Variants in LIMCH1 observed in about 807,000 individuals in gnomAD.
The protein encoded by LIMCH1 is LIM and calponin homology domains 1, also known as LIM and calponin homology domains-containing protein 1.
A neutral mutation model predicts 176.5 loss-of-function variants in LIMCH1; 113 were observed. The ratio of observed to expected loss-of-function variants is 0.64; its 90% CI spans 0.55 to 0.75. The LOEUF (loss-of-function observed/expected upper bound fraction) is 0.75, where lower values mean the gene tolerates loss of function less well. LIMCH1 is among the 30% of genes least tolerant of loss of function. LIMCH1 has a pLI of 0.00. For synonymous variants in LIMCH1, 619 were observed against 645.9 expected (o/e 0.96, Z 0.63); for missense variants, 1,674 against 1,814.9 (o/e 0.92, Z 1.41).
At chr4:41,633,125 C>G in intron 12 of LIMCH1, 40 bp downstream of exon 12, 1 of 1,395,698 alleles carries the variant, frequency 7.2e-7, no homozygotes, top group African/African-American at 1.4e-5. Flanking sequence ...GGTGTGTTGC[C>G]CCTGCTGTGT....
At chr4:41,678,304 A>G (rs16853448) in intron 23 of LIMCH1, among the ~76,000 whole-genome samples, 2,410 of 151,382 alleles carry the variant, frequency 0.016, 53 homozygotes, top group African/African-American at 0.056. Context: ...TTTAGATAGC[A>G]GTAGTAGGTG....
chr4:41,445,157 C>A (rs559599909), intron 1 of LIMCH1, among the ~76,000 whole-genome samples: 9 of 151,962 alleles, frequency 5.9e-5, no homozygotes, highest in Non-Finnish European at 1.2e-4. Context: ...AGGTGCACAC[C>A]GCCACGCCTG....
intron 1 of LIMCH1, among the ~76,000 whole-genome samples, chr4:41,582,847 G>C (rs2085753516): frequency 6.6e-6 from 1 of 152,166 alleles, no homozygotes; most frequent in Non-Finnish European, 1.5e-5. Flanking sequence ...TGGAGGGAAA[G>C]ACTATGTATG....
At chr4:41,549,425 G>A (rs2152507814) in intron 1 of LIMCH1, among the ~76,000 whole-genome samples, 1 of 152,312 alleles carries the variant, frequency 6.6e-6, no homozygotes, top group Non-Finnish European at 1.5e-5. Context: ...GAGGGATAGA[G>A]CCAGAAGCTG....
At chr4:41,581,893 T>C (rs190294589) in intron 1 of LIMCH1, among the ~76,000 whole-genome samples, 4 of 151,978 alleles carry the variant, frequency 2.6e-5, no homozygotes, top group African/African-American at 9.7e-5. Context: ...CCTATTTCAC[T>C]TGGCATAATG....
At chr4:41,565,030 A>G (rs975313386) in intron 1 of LIMCH1, among the ~76,000 whole-genome samples, 39 of 152,194 alleles carry the variant, frequency 2.6e-4, no homozygotes, top group African/African-American at 8.7e-4. Context: ...ACCCAGTCTC[A>G]GGCAGTTCTT....
intron 1 of LIMCH1, among the ~76,000 whole-genome samples, chr4:41,403,726 T>C (rs76142950): frequency 0.018 from 2,743 of 152,328 alleles, 84 homozygotes; most frequent in African/African-American, 0.062. Context: ...GGTCTACTTA[T>C]ACACTTAATT....
chr4:41,612,923 G>A, intron 4 of LIMCH1: 1 of 1,473,100 alleles, frequency 6.8e-7, no homozygotes, highest in Non-Finnish European at 9.0e-7. Context: ...TTCCCTTCAA[G>A]GTAGCAGGAG....
intron 4 of LIMCH1, chr4:41,612,883 AG>A: frequency 4.3e-6 from 6 of 1,387,976 alleles, no homozygotes; most frequent in Non-Finnish European, 4.7e-6. Context: ...CTTTTGCCTC[AG>A]AAAGACAGCT....
chr4:41,678,667 A>G (rs1324182484), intron 23 of LIMCH1, among the ~76,000 whole-genome samples: 1 of 152,052 alleles, frequency 6.6e-6, no homozygotes, highest in Non-Finnish European at 1.5e-5. Flanking sequence ...GTTGCCTGGT[A>G]TGGCATCGTG....
chr4:41,503,810 AGCCCTCAAGTGATAACT>A (rs1382962213), intron 2 of LIMCH1, among the ~76,000 whole-genome samples: 1 of 152,172 alleles, frequency 6.6e-6, no homozygotes, highest in Non-Finnish European at 1.5e-5. Context: ...CGGTTCCCTC[AGCCCTCAAGTGATAACT>A]GCCCTTGCTC....
intron 5 of LIMCH1, among the ~76,000 whole-genome samples, chr4:41,614,756 T>A (rs2152803894): frequency 6.6e-6 from 1 of 152,336 alleles, no homozygotes; most frequent in South Asian, 2.1e-4. Flanking sequence ...TGCTTATCCT[T>A]ACTTCACCAA....
At chr4:41,668,346 G>T (rs1219233461) in intron 21 of LIMCH1, among the ~76,000 whole-genome samples, 1 of 152,168 alleles carries the variant, frequency 6.6e-6, no homozygotes, top group South Asian at 2.1e-4. Flanking sequence ...GTCCTGAAGG[G>T]AATTAAAAAT....
At chr4:41,547,780 A>G (rs1437168717) in intron 1 of LIMCH1, among the ~76,000 whole-genome samples, 1 of 144,804 alleles carries the variant, frequency 6.9e-6, no homozygotes, top group Admixed American at 7.0e-5. Context: ...ACATACATAT[A>G]ATATACATAT....
Position 41,661,415 on chromosome 4 carries a change from T to C in LIMCH1, c.3037-5T>C. On this transcript the variant is annotated splice_region_variant and splice_polypyrimidine_tract_variant and intron_variant, in intron 18 of 31. Coordinates refer to ENST00000503057, the MANE Select transcript of LIMCH1 (RefSeq NM_001330672.2). ...ATTCAAGGGGGAAAAAAATCTCTTT[T>C]TCAGGCAACCACTGAGAAAACGGAA... is the stretch of plus-strand genomic sequence containing the variant. The C allele has an allele frequency of 6.3e-7, 1 of 1,594,622 alleles. No individual in the cohort carries two copies. Among genetic ancestry groups the C allele is most frequent in the South Asian group, 1.1e-5 (1 of 89,988 alleles).
chr4:41,435,363 C>T (rs1471837050), intron 1 of LIMCH1, among the ~76,000 whole-genome samples: 1 of 152,184 alleles, frequency 6.6e-6, no homozygotes, highest in Non-Finnish European at 1.5e-5. Flanking sequence ...GCATGGAAAG[C>T]CTCCTGTTCC....
intron 13 of LIMCH1, 96 bp from the exon 14 acceptor site, chr4:41,638,836 C>A: frequency 1.0e-6 from 1 of 968,378 alleles, no homozygotes; most frequent in Non-Finnish European, 1.7e-6. Context: ...AAAGGTTTGG[C>A]GCACATGTAT....
At chr4:41,473,309 G>T in intron 1 of LIMCH1, 1 of 419,216 alleles carries the variant, frequency 2.4e-6, no homozygotes, top group Non-Finnish European at 3.2e-6. Context: ...CCAACGTGTT[G>T]CATAATGGAT....
intron 27 of LIMCH1, among the ~76,000 whole-genome samples, chr4:41,685,197 C>G (rs940282427): frequency 6.6e-6 from 1 of 152,096 alleles, no homozygotes. Context: ...CGAATTTTGC[C>G]TTAAATTTTT....
Sources: gnomAD v4.1 joint callset for allele counts (sites outside exome capture counted in the v4.1 genomes callset) on GRCh38, gnomAD v4.1.1 for gene constraint, MANE v1.5 for transcripts, NCBI Gene and HGNC (gene_info 2026-07-23, HGNC 2026-07-21) for gene names.